KBTBD12: variants seen among roughly 807,000 people sequenced by gnomAD.
The protein encoded by KBTBD12 is kelch repeat and BTB domain containing 12.
In KBTBD12, 53 loss-of-function variants were observed where a neutral mutation model predicts 58.7. The ratio of observed to expected loss-of-function variants is 0.90; its 90% confidence interval spans 0.72 to 1.14. The LOEUF (loss-of-function observed/expected upper bound fraction) is 1.14, where lower values mean the gene tolerates loss of function less well. Among genes scored for constraint, KBTBD12 ranks in the 50% most tolerant of loss-of-function variants. The pLI is 0.00. For synonymous variants in KBTBD12, 236 were observed against 259.8 expected (o/e 0.91, Z 0.88); for missense variants, 704 against 751.3 (o/e 0.94, Z 0.74).
chr3:127,923,418 G>C lies in KBTBD12; in HGVS notation c.357G>C (p.Val119=). The part of the protein sequence containing the change: ...YFMQMEEVFS[V]CQKYMMDHMD... ...TGCAGATGGAAGAAGTCTTCAGTGT[G>C]TGTCAAAAATATATGATGGACCACA... is the stretch of plus-strand genomic sequence containing the variant. Residue 119 remains valine (V), a synonymous_variant, in exon 2 of 6, where the codon GTG becomes GTC. Transcript: ENST00000405109. 1 of 1,612,860 alleles carries C rather than the reference G, an allele frequency of 6.2e-7. No individual in the cohort carries two copies.
rs1251086615 is a variant in KBTBD12, at chr3:127,930,328, C to T, written c.1492+45C>T. On this transcript the variant is annotated intron_variant, in intron 4 of 5. Coordinates refer to ENST00000405109, the MANE Select transcript of KBTBD12 (RefSeq NM_207335.4). ...TAACAGTATAACTACTTTTATTTTC[C>T]TCAGCAGTTTGCCTCAGCAAAAATG... The T allele has an allele frequency of 3.8e-6, 6 of 1,576,688 alleles. No individual in the cohort carries two copies. The South Asian group carries it at 7.0e-5, about 18-fold the overall frequency.
chr3:127,978,983 A>G (rs1039373396), intron 5 of KBTBD12, among the ~76,000 whole-genome samples: 2 of 152,210 alleles, frequency 1.3e-5, no homozygotes, highest in Non-Finnish European at 2.9e-5. Context: ...CCACACACAC[A>G]TGATTTAGCC....
chr3:127,943,185 C>A (rs1447277891), intron 4 of KBTBD12, among the ~76,000 whole-genome samples: 2 of 152,274 alleles, frequency 1.3e-5, no homozygotes, highest in Non-Finnish European at 2.9e-5. Flanking sequence ...GTACTGATTT[C>A]ATTTCCTTTG....
chr3:127,937,150 A>C (rs1161811421), intron 4 of KBTBD12, among the ~76,000 whole-genome samples: 3 of 146,544 alleles, frequency 2.0e-5, no homozygotes, highest in Non-Finnish European at 4.5e-5. Flanking sequence ...TTGAGCAAGA[A>C]CTGGTGGAAA....
rs777590329 is a variant in KBTBD12 at position 127,924,108 on chromosome 3, G to A, written c.1047G>A (p.Lys349=). 11 of 1,607,536 alleles carry A rather than the reference G, an allele frequency of 6.8e-6. No homozygotes were observed. The African/African-American group carries it at 1.5e-4, about 22-fold the overall frequency. ...GTGCCTCTAAACTCTCTAGACAAAA[G>A]AACAAGAATGTTGAAATTTATAGGT... is the stretch of plus-strand genomic sequence containing the variant. ...EASASKLSRQ[K]NKNVEIYRYH... Residue 349 remains lysine, a synonymous_variant, in exon 2 of 6, where the codon AAG becomes AAA. Coordinates refer to ENST00000405109, the MANE Select transcript of KBTBD12 (RefSeq NM_207335.4).
Position 127,927,827 on chromosome 3 carries a change from T to C in KBTBD12, c.1134T>C (p.Tyr378=), listed in dbSNP as rs1321710633. Residue 378 remains tyrosine, a synonymous_variant, in exon 3 of 6, where the codon TAT becomes TAC. Coordinates refer to ENST00000405109, the MANE Select transcript of KBTBD12 (RefSeq NM_207335.4). The stretch of plus-strand genomic sequence containing the variant: ...GCACAGCTGAATTTCGAGAACTCTA[T>C]GCTCTGGGCAGTATTCATAATGACC... ...KLCTAEFREL[Y]ALGSIHNDLY... The C allele has an allele frequency of 2.5e-6, 4 of 1,604,620 alleles. No individual in the cohort carries two copies. In the African/African-American group the frequency reaches 5.4e-5, roughly 22 times the overall value.
At chr3:127,925,496 A>G (rs938304723) in intron 2 of KBTBD12, among the ~76,000 whole-genome samples, 31 of 151,976 alleles carry the variant, frequency 2.0e-4, no homozygotes, top group African/African-American at 7.0e-4. Flanking sequence ...CTGCCATCAC[A>G]TCTTATTTTT....
chr3:127,944,952 C>T lies in KBTBD12; in HGVS notation c.1492+14669C>T, dbSNP rs371369201. On this transcript the variant is annotated intron_variant, in intron 4 of 5. Coordinates refer to ENST00000405109, the MANE Select transcript of KBTBD12 (RefSeq NM_207335.4). ...GCTAGAGTCCGTGGCACAATCATGGCTCACTGTAGCCTCAACCTCCCAGGC... is the reference window on the plus strand; with the variant it reads ...GCTAGAGTCCGTGGCACAATCATGGTTCACTGTAGCCTCAACCTCCCAGGC... Among the ~76,000 whole-genome samples, 17 of 151,718 alleles carry T rather than the reference C, an allele frequency of 1.1e-4. No homozygotes were observed. In the East Asian group the frequency reaches 1.9e-3, roughly 17 times the overall value.
At chr3:127,931,740 T>C (rs1274626803) in intron 4 of KBTBD12, among the ~76,000 whole-genome samples, 1 of 152,102 alleles carries the variant, frequency 6.6e-6, no homozygotes, top group Non-Finnish European at 1.5e-5. Context: ...TTAAAAGAAC[T>C]TGTAAGATTT....
Position 127,923,499 on chromosome 3 carries a change from A to C in KBTBD12, c.438A>C (p.Glu146Asp), listed in dbSNP as rs1014693902. ...ATTTTGCAAAGCAGATTGGAGCTGA[A>C]GATTTATCTGATCGATCAAAGAAAT... ...IYYFAKQIGAEDLSDRSKKYL... is the reference protein window; with the variant it reads ...IYYFAKQIGADDLSDRSKKYL... Residue 146 changes from glutamate (E) to aspartate (D), a missense_variant, in exon 2 of 6, where the codon GAA becomes GAC. Coordinates refer to ENST00000405109, the MANE Select transcript of KBTBD12 (RefSeq NM_207335.4). The C allele has an allele frequency of 3.8e-5, 61 of 1,611,080 alleles. No homozygotes were observed. The highest frequency in any genetic ancestry group is 5.0e-5 in the Non-Finnish European group (59 of 1,179,008).
rs566423745 is a variant in KBTBD12, at chr3:127,944,348, A to AT, written c.1492+14073dup. On this transcript the variant is annotated intron_variant, in intron 4 of 5. Transcript: ENST00000405109. The stretch of plus-strand genomic sequence containing the variant: ...ATATGCTTCCATTGATTTGTATCTT[A>AT]TTTTTTTTCATCAGTGTTTTATAAA... Among the ~76,000 whole-genome samples the AT allele has an allele frequency of 4.0e-5, 6 of 151,660 alleles. No homozygotes were observed. In the East Asian group the frequency reaches 5.8e-4, roughly 15 times the overall value.
chr3:127,969,935 CA>C (rs563608865), intron 5 of KBTBD12, among the ~76,000 whole-genome samples: 79 of 143,910 alleles, frequency 5.5e-4, no homozygotes, highest in Non-Finnish European at 7.7e-4. Context: ...GCACACATAC[CA>C]AAAAAAAAAG....
At position 127,927,846 on chromosome 3, in the gene KBTBD12, A is replaced by T. The variant is rs771179409; in HGVS notation, c.1153A>T (p.Asn385Tyr). The T allele has an allele frequency of 6.2e-7, 1 of 1,612,498 alleles. No homozygotes were observed. The highest frequency in any genetic ancestry group is 8.5e-7 in the Non-Finnish European group (1 of 1,179,068). The change falls in exon 3 of 6, where the codon AAT (asparagine) becomes TAT (tyrosine). Residue 385 changes from asparagine (N) to tyrosine (Y), a missense_variant. Physicochemically the swap from Asn to Tyr is moderately radical, Grantham distance 143. Coordinates refer to ENST00000405109, the MANE Select transcript of KBTBD12 (RefSeq NM_207335.4). ...RELYALGSIHNDLYVIGGQMK... is the reference protein window; with the variant it reads ...RELYALGSIHYDLYVIGGQMK... The stretch of plus-strand genomic sequence containing the variant: ...ACTCTATGCTCTGGGCAGTATTCAT[A>T]ATGACCTTTATGTTATAGGAGGACA...
At chr3:127,937,161 T>C (rs893319409) in intron 4 of KBTBD12, among the ~76,000 whole-genome samples, 16 of 132,920 alleles carry the variant, frequency 1.2e-4, no homozygotes, top group Admixed American at 3.2e-4. Context: ...CTGGTGGAAA[T>C]AATGGCCAGA....
At chr3:127,957,653 A>G (rs1216782856) in intron 4 of KBTBD12, among the ~76,000 whole-genome samples, 1 of 146,514 alleles carries the variant, frequency 6.8e-6, no homozygotes, top group East Asian at 1.9e-4. Context: ...AACCGCCACC[A>G]AAAAAAAAAG....
intron 2 of KBTBD12, among the ~76,000 whole-genome samples, chr3:127,926,560 CT>C (rs1367831698): frequency 6.6e-6 from 1 of 152,176 alleles, no homozygotes; most frequent in Non-Finnish European, 1.5e-5. Context: ...CAGACATACC[CT>C]CTTAGAAAGG....
At chr3:127,925,339 T>A (rs1264113637) in intron 2 of KBTBD12, among the ~76,000 whole-genome samples, 4 of 152,142 alleles carry the variant, frequency 2.6e-5, no homozygotes. Context: ...AGCCTTGACT[T>A]CCTGATGTGG....
intron 5 of KBTBD12, among the ~76,000 whole-genome samples, chr3:127,969,681 T>C (rs568900728): frequency 6.6e-6 from 1 of 152,342 alleles, no homozygotes; most frequent in South Asian, 2.1e-4. Flanking sequence ...TTCAGTCAAC[T>C]GATTTTCAAC....
intron 5 of KBTBD12, among the ~76,000 whole-genome samples, chr3:127,973,467 A>G (rs1940718323): frequency 6.6e-6 from 1 of 152,186 alleles, no homozygotes; most frequent in South Asian, 2.1e-4. Context: ...ACAACTGGGG[A>G]AATTAGAATA....
Sources: gnomAD v4.1 joint callset for allele counts (sites outside exome capture counted in the v4.1 genomes callset) on GRCh38, gnomAD v4.1.1 for gene constraint, MANE v1.5 for transcripts, NCBI Gene and HGNC (gene_info 2026-07-23, HGNC 2026-07-21) for gene names.